The following PPP6R3 variants were observed in gnomAD, a reference collection of about 807,000 sequenced individuals.
PPP6R3 encodes serine/threonine-protein phosphatase 6 regulatory subunit 3.
Under a neutral mutation model 110.7 loss-of-function variants are expected in PPP6R3, and 38 were observed. The observed-to-expected ratio is 0.34, with a 90% CI of 0.26 to 0.45. The LOEUF (loss-of-function observed/expected upper bound fraction) is 0.45. Among genes scored for constraint, PPP6R3 ranks in the 20% least tolerant of loss-of-function variants. The pLI, the probability that PPP6R3 is intolerant of heterozygous loss-of-function variation, is 1.00. For missense variants in PPP6R3, 870 were observed against 1,062.4 expected (o/e 0.82, Z 2.52); for synonymous variants, 369 against 373.5 (o/e 0.99, Z 0.14).
At chr11:68,578,984 ATTTGAG>A (rs2099542676) in intron 14 of PPP6R3, among the ~76,000 whole-genome samples, 1 of 152,220 alleles carries the variant, frequency 6.6e-6, no homozygotes, top group Admixed American at 6.5e-5. Context: ...ACTTTGAAAA[ATTTGAG>A]TTTGTTTCAT....
chr11:68,567,417 G>A (rs555382459), intron 10 of PPP6R3, among the ~76,000 whole-genome samples: 5 of 152,284 alleles, frequency 3.3e-5, no homozygotes, highest in Non-Finnish European at 4.4e-5. Context: ...AAGAGACATC[G>A]GCTTTTCCCT....
intron 19 of PPP6R3, 133 bp from the exon 20 acceptor site, chr11:68,600,208 T>C: frequency 7.0e-6 from 7 of 995,026 alleles, no homozygotes; most frequent in Non-Finnish European, 1.1e-5. Flanking sequence ...CCCTGTCCGC[T>C]CCTGCCCTCA....
chr11:68,525,023 G>A (rs2099188989), intron 2 of PPP6R3, among the ~76,000 whole-genome samples: 1 of 152,226 alleles, frequency 6.6e-6, no homozygotes, highest in Non-Finnish European at 1.5e-5. Context: ...ACAGCTGGCT[G>A]GGCTGGGGTC....
chr11:68,474,976 AG>A (rs1281660115), intron 1 of PPP6R3, among the ~76,000 whole-genome samples: 1 of 151,644 alleles, frequency 6.6e-6, no homozygotes, highest in East Asian at 1.9e-4. Context: ...GGGATTTGGC[AG>A]GGTCACAGGA....
At chr11:68,540,242 G>A (rs531603873) in intron 3 of PPP6R3, among the ~76,000 whole-genome samples, 13 of 152,282 alleles carry the variant, frequency 8.5e-5, no homozygotes, top group East Asian at 1.9e-4. Context: ...TTCCCTAAGC[G>A]TCAGTCGGCT....
intron 2 of PPP6R3, among the ~76,000 whole-genome samples, chr11:68,526,451 C>T (rs1309239006): frequency 1.3e-5 from 2 of 152,146 alleles, no homozygotes; most frequent in Non-Finnish European, 2.9e-5. Context: ...CCTTTGTTGC[C>T]TAGGCTGATC....
chr11:68,528,436 G>GC lies in PPP6R3; in HGVS notation c.-7+8785_-7+8786insC, dbSNP rs1475087497. ...TATTTGATTTAATTTGTGTGTGTGG[G>GC]GGGGGGGGCTGCACCTTTATGAAAT... On this transcript the variant is annotated intron_variant, in intron 2 of 23. Coordinates refer to ENST00000393800, the MANE Select transcript of PPP6R3 (RefSeq NM_001164161.2). 8.2e-5 allele frequency among the ~76,000 whole-genome samples: 6 copies of GC among 72,896 alleles called. No homozygotes were observed. In the East Asian group the frequency reaches 1.2e-3, roughly 14 times the overall value. The allele number at this position is 72,896 out of a possible 152,430, so 47.8% of individuals were successfully genotyped here. A position where few individuals can be genotyped will look rare whatever the true frequency, so the allele number is the denominator to read the frequency against.
chr11:68,511,205 T>C (rs1184702033), intron 1 of PPP6R3, among the ~76,000 whole-genome samples: 6 of 151,400 alleles, frequency 4.0e-5, no homozygotes, highest in Non-Finnish European at 5.9e-5. Context: ...GTAGCTGGGA[T>C]TAAGGCACGC....
intron 1 of PPP6R3, among the ~76,000 whole-genome samples, chr11:68,481,479 A>G (rs1386424247): frequency 6.6e-6 from 1 of 152,238 alleles, no homozygotes; most frequent in African/African-American, 2.4e-5. Context: ...AACTTCATCA[A>G]ACTTCAAAGA....
chr11:68,546,705 G>A (rs2099350492), intron 4 of PPP6R3, among the ~76,000 whole-genome samples: 2 of 152,218 alleles, frequency 1.3e-5, no homozygotes. Flanking sequence ...GTTAGCTCAT[G>A]GAACAGGAAG....
chr11:68,600,566 G>A (rs185536534), intron 20 of PPP6R3, 72 bp downstream of exon 20: 24 of 1,520,888 alleles, frequency 1.6e-5, no homozygotes, highest in Middle Eastern at 2.3e-4. Flanking sequence ...TGCTGTTAAC[G>A]TGTGTTCTTC....
At chr11:68,580,746 C>CTTTTTTTTTTTTT (rs71043441) in intron 14 of PPP6R3, among the ~76,000 whole-genome samples, 1 of 67,530 alleles carries the variant, frequency 1.5e-5, no homozygotes, top group Non-Finnish European at 2.8e-5. Flanking sequence ...GGTAAATAAT[C>CTTTTTTTTTTTTT]TTTTTTTTTT....
At chr11:68,534,975 A>G (rs563774371) in intron 2 of PPP6R3, among the ~76,000 whole-genome samples, 2 of 152,020 alleles carry the variant, frequency 1.3e-5, no homozygotes, top group Non-Finnish European at 2.9e-5. Context: ...TCTACTTGTT[A>G]GTTGTATTAG....
chr11:68,552,262 C>T (rs2099384257), intron 6 of PPP6R3, among the ~76,000 whole-genome samples: 1 of 152,184 alleles, frequency 6.6e-6, no homozygotes. Flanking sequence ...CCTTGTGTGT[C>T]TCTAGGTTGC....
intron 1 of PPP6R3, among the ~76,000 whole-genome samples, chr11:68,495,769 T>G (rs1321970261): frequency 1.3e-5 from 2 of 152,228 alleles, no homozygotes; most frequent in African/African-American, 4.8e-5. Flanking sequence ...AGTTTTGGCT[T>G]TTATGAATAA....
At chr11:68,556,329 G>T (rs567132725) in intron 7 of PPP6R3, among the ~76,000 whole-genome samples, 1 of 152,310 alleles carries the variant, frequency 6.6e-6, no homozygotes, top group South Asian at 2.1e-4. Context: ...GTTAAATAAA[G>T]AATGTTTGGC....
intron 1 of PPP6R3, among the ~76,000 whole-genome samples, chr11:68,472,417 C>A (rs560858419): frequency 2.0e-5 from 3 of 152,292 alleles, no homozygotes; most frequent in Admixed American, 2.0e-4. Flanking sequence ...AGATGCATTT[C>A]TCCAGGGTAC....
At chr11:68,542,389 G>GTTTTTTTTTTTGTTT (rs1555132284) in intron 3 of PPP6R3, among the ~76,000 whole-genome samples, 4 of 40,186 alleles carry the variant, frequency 1.0e-4, no homozygotes, top group Admixed American at 4.3e-4. Context: ...AGAAGCTGCT[G>GTTTTTTTTTTTGTTT]TTTTTTTTTT....
intron 1 of PPP6R3, among the ~76,000 whole-genome samples, chr11:68,486,133 TA>T (rs1405288440): frequency 1.3e-5 from 2 of 152,102 alleles, no homozygotes; most frequent in Admixed American, 6.6e-5. Context: ...TATAATTTTT[TA>T]TATATAATGC....
Sources: allele counts gnomAD v4.1 joint callset (sites outside exome capture counted in the v4.1 genomes callset), GRCh38; gene constraint gnomAD v4.1.1; transcripts MANE v1.5; gene names NCBI Gene and HGNC (gene_info 2026-07-23, HGNC 2026-07-21).